The following CCDC171 variants were observed in gnomAD, a reference collection of about 807,000 sequenced individuals.
CCDC171 encodes coiled-coil domain containing 171.
CCDC171 carries 177 observed loss-of-function variants against 168.2 expected under a neutral mutation model. That is an observed-to-expected ratio of 1.05 (90% confidence interval 0.93 to 1.19). The LOEUF (loss-of-function observed/expected upper bound fraction) is 1.19, where lower values mean the gene tolerates loss of function less well. CCDC171 is among the 50% of genes most tolerant of loss of function. The probability of loss-of-function intolerance (pLI) is 0.00; values close to 1 mark genes in which losing one functional copy is unlikely to be tolerated. For missense variants in CCDC171, 1,991 were observed against 1,539.0 expected, an observed-to-expected ratio of 1.29 and a Z score of -4.91; for synonymous variants, 687 against 540.8, an observed-to-expected ratio of 1.27 and a Z score of -3.75.
At chr9:15,941,406 A>G (rs1211376041) in intron 25 of CCDC171, among the ~76,000 whole-genome samples, 1 of 151,868 alleles carries the variant, frequency 6.6e-6, no homozygotes, top group Admixed American at 6.6e-5. Context: ...TTTTATTGTT[A>G]TTCACATTTA....
At chr9:16,093,090 C>G in the CCDC171 span, among the ~76,000 whole-genome samples, 1 of 152,190 alleles carries the variant, frequency 6.6e-6, no homozygotes, top group Non-Finnish European at 1.5e-5. Flanking sequence ...GAAAACAAAC[C>G]ACGGGAACCA....
At chr9:15,655,264 A>G (rs910188155) in intron 7 of CCDC171, among the ~76,000 whole-genome samples, 1 of 152,148 alleles carries the variant, frequency 6.6e-6, no homozygotes, top group Admixed American at 6.5e-5. Flanking sequence ...TCATCTAGGA[A>G]GGGAAATCAA....
At chr9:16,078,530 C>G in the CCDC171 span, among the ~76,000 whole-genome samples, 37 of 152,296 alleles carry the variant, frequency 2.4e-4, no homozygotes, top group African/African-American at 8.9e-4. Flanking sequence ...GATGGGGCTT[C>G]TCTATCAACT....
intron 1 of CCDC171, among the ~76,000 whole-genome samples, chr9:16,057,312 AT>A (rs1489109928): frequency 6.6e-6 from 1 of 152,204 alleles, no homozygotes; most frequent in Non-Finnish European, 1.5e-5. Context: ...AGCCCAGAGG[AT>A]TTTATTATCT....
chr9:15,810,104 C>T lies in CCDC171; in HGVS notation c.3267+25410C>T, dbSNP rs796382482. Among the ~76,000 whole-genome samples, 134 of 152,250 alleles carry T rather than the reference C, an allele frequency of 8.8e-4. 1 individual carries two copies. Among genetic ancestry groups the T allele is most frequent in the African/African-American group, 2.5e-3 (104 of 41,534 alleles). ...GCTAGACACAGAGTGCTGATTGGTGCATTTACAATCCCTGAACTAGACACA... is the reference window on the plus strand; with the variant it reads ...GCTAGACACAGAGTGCTGATTGGTGTATTTACAATCCCTGAACTAGACACA... On this transcript the variant is annotated intron_variant, in intron 21 of 25. Coordinates refer to ENST00000380701, the MANE Select transcript of CCDC171 (RefSeq NM_173550.4).
chr9:15,739,129 C>G (rs1329706299), intron 16 of CCDC171, among the ~76,000 whole-genome samples: 1 of 152,084 alleles, frequency 6.6e-6, no homozygotes. Context: ...TACTTAAGTT[C>G]AGAGAAGGTC....
intron 9 of CCDC171, among the ~76,000 whole-genome samples, chr9:15,669,125 A>G (rs1212122185): frequency 6.6e-6 from 1 of 152,148 alleles, no homozygotes; most frequent in Non-Finnish European, 1.5e-5. Flanking sequence ...GGAGAAAAAA[A>G]GCTGTGTGTA....
intron 6 of CCDC171, among the ~76,000 whole-genome samples, chr9:15,613,489 AC>A (rs1376040348): frequency 2.0e-5 from 3 of 147,942 alleles, no homozygotes; most frequent in African/African-American, 7.3e-5. Context: ...CTTAATAAAA[AC>A]AAATGGTTTT....
chr9:16,039,883 A>AG (rs1833544926), upstream of CCDC171, among the ~76,000 whole-genome samples: 2 of 151,876 alleles, frequency 1.3e-5, no homozygotes, highest in South Asian at 2.1e-4. Context: ...GTGGAGGTGG[A>AG]GTTGTGTTCA....
chr9:15,595,714 A>T (rs778090671), intron 6 of CCDC171, among the ~76,000 whole-genome samples: 142 of 151,860 alleles, frequency 9.4e-4, no homozygotes, highest in Non-Finnish European at 1.7e-3. Context: ...ATCCCTGAGG[A>T]ATTGCCACAC....
chr9:15,954,944 A>G (rs1315695552), intron 25 of CCDC171, among the ~76,000 whole-genome samples: 4 of 151,756 alleles, frequency 2.6e-5, no homozygotes, highest in Admixed American at 6.6e-5. Context: ...ATAGTTTTCT[A>G]TTGATTTATT....
intron 3 of CCDC171, among the ~76,000 whole-genome samples, chr9:15,982,020 C>G (rs1048379434): frequency 7.2e-5 from 11 of 152,084 alleles, no homozygotes; most frequent in Admixed American, 2.0e-4. Context: ...TGATAAAGTT[C>G]ATATTGTAGT....
intron 24 of CCDC171, among the ~76,000 whole-genome samples, chr9:15,916,024 T>C (rs1824452309): frequency 6.6e-6 from 1 of 152,130 alleles, no homozygotes; most frequent in African/African-American, 2.4e-5. Flanking sequence ...TAGTATTTTG[T>C]TGAGCATAAC....
At chr9:15,906,599 C>G (rs1057018559) in intron 24 of CCDC171, among the ~76,000 whole-genome samples, 3 of 152,120 alleles carry the variant, frequency 2.0e-5, no homozygotes, top group Non-Finnish European at 4.4e-5. Flanking sequence ...AGCATTCCCT[C>G]TGAAAACTGG....
intron 2 of CCDC171, among the ~76,000 whole-genome samples, chr9:15,564,710 C>G (rs2039587681): frequency 1.3e-5 from 2 of 152,204 alleles, no homozygotes; most frequent in African/African-American, 2.4e-5. Context: ...TAATACAAAA[C>G]TGGACCACAT....
rs2039530370 is a variant in CCDC171 at position 15,564,095 on chromosome 9, T to C, written c.7T>C (p.Leu3=). ...GAAAGAGTTGGAAAACATCATGAAT[T>C]TGAATACTTCAAGTAATACTGGTGA... MN[L]NTSSNTGDTQ... Residue 3 remains leucine, a synonymous_variant, in exon 2 of 26, where the codon TTG becomes CTG. Transcript: ENST00000380701. 6.2e-7 allele frequency: 1 copy of C among 1,606,362 alleles called. No homozygotes were observed. The highest frequency in any genetic ancestry group is 8.5e-7 in the Non-Finnish European group (1 of 1,175,662).
chr9:15,811,161 T>G (rs765855914), intron 21 of CCDC171, among the ~76,000 whole-genome samples: 1 of 152,272 alleles, frequency 6.6e-6, no homozygotes, highest in Non-Finnish European at 1.5e-5. Context: ...ATTCTTCATT[T>G]AGGCAGAAAC....
chr9:15,618,342 C>A (rs528547170), intron 6 of CCDC171, among the ~76,000 whole-genome samples: 1 of 152,162 alleles, frequency 6.6e-6, no homozygotes, highest in Admixed American at 6.5e-5. Context: ...CCTACGAAAG[C>A]CTCAGTAATG....
chr9:16,001,837 CTTTTT>C (rs35583305), intron 3 of CCDC171, among the ~76,000 whole-genome samples: 3 of 128,020 alleles, frequency 2.3e-5, no homozygotes, highest in Non-Finnish European at 1.7e-5. Flanking sequence ...GATTTATTAT[CTTTTT>C]TTTTTTTTTT....
Sources: allele counts gnomAD v4.1 joint callset (sites outside exome capture counted in the v4.1 genomes callset), GRCh38; gene constraint gnomAD v4.1.1; transcripts MANE v1.5; gene names NCBI Gene and HGNC (gene_info 2026-07-23, HGNC 2026-07-21).